The following MACROH2A2 variants were observed in gnomAD, a reference collection of about 807,000 sequenced individuals.
MACROH2A2 encodes the protein macroH2A.2 histone.
In MACROH2A2, 6 loss-of-function variants were observed where a neutral mutation model predicts 37.6. That is an observed-to-expected ratio of 0.16 (90% CI 0.09 to 0.32). The LOEUF (loss-of-function observed/expected upper bound fraction) is 0.32, where lower values mean the gene tolerates loss of function less well. MACROH2A2 is among the 10% of genes least tolerant of loss of function. The probability of loss-of-function intolerance (pLI) is 1.00; values close to 1 mark genes in which losing one functional copy is unlikely to be tolerated. For synonymous variants in MACROH2A2, 192 were observed against 202.7 expected (o/e 0.95, Z 0.45); for missense variants, 290 against 485.9 (o/e 0.60, Z 3.79).
intron 4 of MACROH2A2, 45 bp from the exon 5 acceptor site, chr10:70,093,688 CTT>C (rs748849388): frequency 9.5e-7 from 1 of 1,049,900 alleles, no homozygotes; most frequent in South Asian, 1.3e-5. Context: ...GCACCTCAGG[CTT>C]TTTCTGGATT....
intron 2 of MACROH2A2, among the ~76,000 whole-genome samples, chr10:70,083,823 G>C (rs1310232878): frequency 1.3e-5 from 2 of 149,632 alleles, no homozygotes; most frequent in African/African-American, 4.9e-5. Flanking sequence ...TCCCAGAACG[G>C]TTATCACGTT....
chr10:70,105,286 A>T (rs1177568318), intron 7 of MACROH2A2, among the ~76,000 whole-genome samples: 1 of 152,176 alleles, frequency 6.6e-6, no homozygotes, highest in Non-Finnish European at 1.5e-5. Flanking sequence ...CAGGATGTGG[A>T]TGTGATTGTA....
At chr10:70,099,646 GA>G (rs1156525419) in intron 6 of MACROH2A2, 2 of 151,324 alleles carry the variant, frequency 1.3e-5, no homozygotes, top group South Asian at 2.1e-4. Context: ...GCTGAGGTAG[GA>G]AAAAAAAGAA....
chr10:70,089,672 TTG>T (rs1383851852), intron 2 of MACROH2A2, among the ~76,000 whole-genome samples: 1 of 152,214 alleles, frequency 6.6e-6, no homozygotes, highest in Non-Finnish European at 1.5e-5. Context: ...CCAGGAGGCT[TTG>T]CCACAGGATC....
At position 70,091,749 on chromosome 10, in the gene MACROH2A2, CT is replaced by C. The variant is rs769355625; in HGVS notation, c.280-7del. The C allele has an allele frequency of 6.2e-7, 1 of 1,607,112 alleles. No homozygotes were observed. The highest frequency in any genetic ancestry group is 1.1e-5 in the South Asian group (1 of 90,930). ...TTGCTACATGAGCGCATGCATTTCT[CT>C]CTTCAGCTGCTAAAAGGAGTGACCA... is the stretch of plus-strand genomic sequence containing the variant. On this transcript the variant is annotated splice_region_variant and splice_polypyrimidine_tract_variant and intron_variant, in intron 3 of 8. Transcript: ENST00000373255.
chr10:70,088,307 CT>C (rs2072224371), intron 2 of MACROH2A2, among the ~76,000 whole-genome samples: 1 of 152,192 alleles, frequency 6.6e-6, no homozygotes, highest in Admixed American at 6.5e-5. Context: ...ACTTTCCCCC[CT>C]CATTATCAGT....
rs140824171 is a variant in MACROH2A2, at chr10:70,080,505, G to A, written c.172+4675G>A. 2.0e-5 allele frequency among the ~76,000 whole-genome samples: 3 copies of A among 152,246 alleles called. No homozygotes were observed. The East Asian group carries it at 5.8e-4, about 29-fold the overall frequency. Reference sequence around the variant, plus strand: ...AATCCGAACACTTTGGGAGGCCAAAGTAGGAGGACCACTTGAGTCCAGGAG... The same window carrying A: ...AATCCGAACACTTTGGGAGGCCAAAATAGGAGGACCACTTGAGTCCAGGAG... On this transcript the variant is annotated intron_variant, in intron 2 of 8. Coordinates refer to ENST00000373255, the MANE Select transcript of MACROH2A2 (RefSeq NM_018649.3).
intron 2 of MACROH2A2, among the ~76,000 whole-genome samples, chr10:70,077,186 C>A (rs577657217): frequency 6.6e-6 from 1 of 152,338 alleles, no homozygotes; most frequent in South Asian, 2.1e-4. Flanking sequence ...GATAATGATG[C>A]TGCTGGTCCA....
intron 6 of MACROH2A2, chr10:70,098,287 A>AGAGG (rs1205147872): frequency 1.5e-5 from 2 of 136,720 alleles, no homozygotes; most frequent in East Asian, 2.7e-4. Context: ...AGAGAGAGAG[A>AGAGG]GAGGGAGGGA....
At chr10:70,097,633 C>A (rs997017086) in intron 6 of MACROH2A2, among the ~76,000 whole-genome samples, 1 of 152,198 alleles carries the variant, frequency 6.6e-6, no homozygotes, top group African/African-American at 2.4e-5. Flanking sequence ...TCAGCTCTTA[C>A]CCCCTCCACA....
chr10:70,079,219 C>G (rs990967073), intron 2 of MACROH2A2, among the ~76,000 whole-genome samples: 2 of 151,916 alleles, frequency 1.3e-5, no homozygotes, highest in Non-Finnish European at 2.9e-5. Flanking sequence ...TTTCTCGTAT[C>G]GATTGATTTC....
intron 1 of MACROH2A2, among the ~76,000 whole-genome samples, chr10:70,055,000 G>C (rs1488724230): frequency 2.0e-5 from 3 of 152,168 alleles, no homozygotes; most frequent in African/African-American, 7.2e-5. Flanking sequence ...TTACCTCCTT[G>C]AATCCGGAGT....
intron 4 of MACROH2A2, 110 bp from the exon 5 acceptor site, chr10:70,093,625 C>A: frequency 1.6e-6 from 1 of 641,748 alleles, no homozygotes; most frequent in Non-Finnish European, 2.8e-6. Context: ...CATCACCTAA[C>A]CACTTCCTTT....
intron 2 of MACROH2A2, among the ~76,000 whole-genome samples, chr10:70,076,703 T>C (rs1477736669): frequency 6.6e-6 from 1 of 152,172 alleles, no homozygotes; most frequent in African/African-American, 2.4e-5. Flanking sequence ...TTAAGTTCCT[T>C]GGAAATTCTG....
intron 1 of MACROH2A2, among the ~76,000 whole-genome samples, chr10:70,067,779 A>G (rs1442880341): frequency 6.6e-6 from 1 of 152,150 alleles, no homozygotes; most frequent in Non-Finnish European, 1.5e-5. Context: ...ATAATCCCCA[A>G]AGTTGATGAA....
intron 2 of MACROH2A2, among the ~76,000 whole-genome samples, chr10:70,080,270 A>C (rs1311452895): frequency 2.0e-5 from 3 of 149,656 alleles, no homozygotes; most frequent in Non-Finnish European, 4.4e-5. Context: ...CAAGAGCAAA[A>C]CTCCATCTCA....
chr10:70,070,520 T>A (rs2072102913), intron 1 of MACROH2A2, among the ~76,000 whole-genome samples: 1 of 152,132 alleles, frequency 6.6e-6, no homozygotes, highest in African/African-American at 2.4e-5. Context: ...GAGACGGAGT[T>A]TCGCTGTCGT....
At chr10:70,092,099 A>G in intron 4 of MACROH2A2, 145 bp downstream of exon 4, 1 of 674,460 alleles carries the variant, frequency 1.5e-6, no homozygotes, top group Non-Finnish European at 2.5e-6. Context: ...CTAGATCATG[A>G]GGGCGAGTCC....
chr10:70,053,811 G>A lies in MACROH2A2; in HGVS notation c.-60+811G>A, dbSNP rs987251665. 1.3e-5 allele frequency among the ~76,000 whole-genome samples: 2 copies of A among 152,028 alleles called. No homozygotes were observed. The highest frequency in any genetic ancestry group is 2.4e-5 in the African/African-American group (1 of 41,428). On this transcript the variant is annotated intron_variant, in intron 1 of 8. Transcript: ENST00000373255. This position sits in a 1 kb window ranked among gnomAD's most constrained non-coding sequence, Gnocchi z 4.8. Reference sequence around the variant, plus strand: ...GGCTCGCCTGGGCAGTCTGGCTCCCGCTTTGCGCGGGAAAAAATAATAATA... The same window carrying A: ...GGCTCGCCTGGGCAGTCTGGCTCCCACTTTGCGCGGGAAAAAATAATAATA...
Sources: gnomAD v4.1 joint callset for allele counts (sites outside exome capture counted in the v4.1 genomes callset) on GRCh38, gnomAD v4.1.1 for gene constraint, Gnocchi (gnomAD v3.1) non-coding constraint, MANE v1.5 for transcripts, NCBI Gene and HGNC (gene_info 2026-07-23, HGNC 2026-07-21) for gene names.